The following CNTN5 variants were observed in gnomAD, a reference collection of about 807,000 sequenced individuals.
CNTN5 encodes the protein contactin-5.
Under a neutral mutation model 129.1 loss-of-function variants are expected in CNTN5, and 77 were observed. That is an observed-to-expected ratio of 0.60 (90% confidence interval 0.50 to 0.72). The LOEUF is 0.72. Among genes scored for constraint, CNTN5 ranks in the 30% least tolerant of loss-of-function variants. CNTN5 has a pLI of 0.00. For missense variants in CNTN5, 1,478 were observed against 1,328.8 expected (o/e 1.11, Z -1.75); for synonymous variants, 509 against 465.6 (o/e 1.09, Z -1.20).
chr11:100,137,999 G>A (rs1418752557), intron 13 of CNTN5, among the ~76,000 whole-genome samples: 2 of 151,972 alleles, frequency 1.3e-5, no homozygotes, highest in African/African-American at 4.8e-5. Context: ...ACTGACTTGA[G>A]AGATATTGGA....
At chr11:99,153,238 T>C (rs1860161053) in intron 1 of CNTN5, among the ~76,000 whole-genome samples, 1 of 152,228 alleles carries the variant, frequency 6.6e-6, no homozygotes, top group Admixed American at 6.5e-5. Flanking sequence ...GAAACATAGT[T>C]TCCAAGTTGG....
intron 4 of CNTN5, among the ~76,000 whole-genome samples, chr11:99,823,731 A>G (rs1221331558): frequency 1.3e-5 from 2 of 152,106 alleles, no homozygotes; most frequent in African/African-American, 4.8e-5. Flanking sequence ...TTGTTTCAGT[A>G]TTTTTTGACA....
At chr11:99,991,100 A>G (rs1412893415) in intron 8 of CNTN5, among the ~76,000 whole-genome samples, 2 of 152,232 alleles carry the variant, frequency 1.3e-5, no homozygotes, top group Admixed American at 1.3e-4. Flanking sequence ...CAGAATCCAG[A>G]TAGGTTATGA....
At chr11:99,758,181 T>C (rs1944464210) in intron 3 of CNTN5, among the ~76,000 whole-genome samples, 1 of 152,082 alleles carries the variant, frequency 6.6e-6, no homozygotes, top group Non-Finnish European at 1.5e-5. Flanking sequence ...GTCCTCAAGG[T>C]TGACCTTAAT....
chr11:99,703,277 T>G (rs1954606073), intron 3 of CNTN5, among the ~76,000 whole-genome samples: 1 of 146,534 alleles, frequency 6.8e-6, no homozygotes, highest in African/African-American at 2.5e-5. Flanking sequence ...TGCTTTCTAA[T>G]CAAGATTAAA....
At chr11:99,944,751 C>G (rs190441680) in intron 7 of CNTN5, among the ~76,000 whole-genome samples, 1 of 152,156 alleles carries the variant, frequency 6.6e-6, no homozygotes, top group Non-Finnish European at 1.5e-5. Context: ...CATGAGTGAA[C>G]TCCCATTCAC....
At chr11:100,009,819 G>T (rs1940417152) in intron 9 of CNTN5, among the ~76,000 whole-genome samples, 1 of 152,128 alleles carries the variant, frequency 6.6e-6, no homozygotes, top group South Asian at 2.1e-4. Flanking sequence ...TTCTTTTGCT[G>T]GCTGCCCATC....
At chr11:100,268,943 A>G (rs1284856756) in intron 17 of CNTN5, among the ~76,000 whole-genome samples, 1 of 152,212 alleles carries the variant, frequency 6.6e-6, no homozygotes, top group Non-Finnish European at 1.5e-5. Context: ...GCCACTGAAC[A>G]TATGAGTCTG....
At chr11:99,996,430 G>GT (rs1439472491) in intron 8 of CNTN5, among the ~76,000 whole-genome samples, 4 of 152,044 alleles carry the variant, frequency 2.6e-5, no homozygotes, top group South Asian at 2.1e-4. Context: ...GATTCCATCT[G>GT]TTTTTTCATT....
chr11:99,667,367 G>A (rs1189520301), intron 3 of CNTN5, among the ~76,000 whole-genome samples: 3 of 152,006 alleles, frequency 2.0e-5, no homozygotes, highest in Non-Finnish European at 4.4e-5. Flanking sequence ...TATAATAAAA[G>A]TAAATGGCAT....
chr11:99,907,491 G>A (rs1949540560), intron 6 of CNTN5, among the ~76,000 whole-genome samples: 1 of 151,828 alleles, frequency 6.6e-6, no homozygotes, highest in Admixed American at 6.6e-5. Context: ...TCCAAAAAGT[G>A]TATCCTGGAA....
intron 23 of CNTN5, among the ~76,000 whole-genome samples, chr11:100,348,773 A>G (rs78430244): frequency 0.02 from 2,984 of 152,146 alleles, 98 homozygotes; most frequent in African/African-American, 0.068. Flanking sequence ...TCCTCCAGGA[A>G]GTGTTCCTGA....
chr11:99,582,593 T>A (rs1949646187), intron 3 of CNTN5, among the ~76,000 whole-genome samples: 1 of 152,246 alleles, frequency 6.6e-6, no homozygotes, highest in African/African-American at 2.4e-5. Context: ...CCATCGCTGA[T>A]ACCCTTTCTT....
chr11:99,776,974 A>C (rs553226032), intron 3 of CNTN5, among the ~76,000 whole-genome samples: 39 of 152,024 alleles, frequency 2.6e-4, no homozygotes, highest in South Asian at 2.3e-3. Context: ...TATTTTAAAA[A>C]TGTCATTTTT....
chr11:99,754,671 C>T (rs189607891), intron 3 of CNTN5, among the ~76,000 whole-genome samples: 1 of 152,184 alleles, frequency 6.6e-6, no homozygotes, highest in Non-Finnish European at 1.5e-5. Flanking sequence ...CATTTACTTC[C>T]TGCCTTCTCT....
chr11:99,918,214 T>C (rs1949843927), intron 7 of CNTN5, among the ~76,000 whole-genome samples: 1 of 152,174 alleles, frequency 6.6e-6, no homozygotes. Context: ...TTGTCATCTC[T>C]CTTTTGCTTT....
At chr11:99,029,551 C>T (rs540785753) in intron 1 of CNTN5, among the ~76,000 whole-genome samples, 1 of 152,156 alleles carries the variant, frequency 6.6e-6, no homozygotes, top group South Asian at 2.1e-4. Context: ...ATGGATTAAA[C>T]TGACTTCTTA....
At chr11:99,987,411 T>TAC (rs1030091814) in intron 8 of CNTN5, among the ~76,000 whole-genome samples, 8 of 151,710 alleles carry the variant, frequency 5.3e-5, no homozygotes, top group Non-Finnish European at 1.0e-4. Flanking sequence ...TTTATATATA[T>TAC]ACACACACAG....
At chr11:99,976,247 T>G (rs78574370) in intron 8 of CNTN5, among the ~76,000 whole-genome samples, 45 of 152,336 alleles carry the variant, frequency 3.0e-4, no homozygotes, top group African/African-American at 1.1e-3. Flanking sequence ...TACAGCCCTC[T>G]TGGCTGCTTT....
Sources: gnomAD v4.1 joint callset for allele counts (sites outside exome capture counted in the v4.1 genomes callset) on GRCh38, gnomAD v4.1.1 for gene constraint, MANE v1.5 for transcripts, NCBI Gene and HGNC (gene_info 2026-07-23, HGNC 2026-07-21) for gene names.